Variants in RXFP2 observed in about 807,000 individuals in gnomAD.
The protein encoded by RXFP2 is relaxin receptor 2.
In RXFP2, 68 loss-of-function variants were observed where a neutral mutation model predicts 88.6. The ratio of observed to expected loss-of-function variants is 0.77; its 90% confidence interval spans 0.63 to 0.94. The LOEUF (loss-of-function observed/expected upper bound fraction) is 0.94. Among genes scored for constraint, RXFP2 ranks in the 40% least tolerant of loss-of-function variants. The probability of loss-of-function intolerance (pLI) is 0.00; values close to 1 mark genes in which losing one functional copy is unlikely to be tolerated. For missense variants in RXFP2, 791 were observed against 893.9 expected (o/e 0.88, Z 1.47); for synonymous variants, 329 against 306.8 (o/e 1.07, Z -0.76).
chr13:31,783,634 C>T (rs928099298), intron 11 of RXFP2, among the ~76,000 whole-genome samples: 3 of 152,150 alleles, frequency 2.0e-5, no homozygotes, highest in Admixed American at 2.0e-4. Context: ...CAAGGTACTG[C>T]ATTAGAACTG....
In RXFP2 at chr13:31,791,805, G is replaced by T. The variant is rs1369619246; in HGVS notation, c.1146-1G>T. 6.2e-7 allele frequency: 1 copy of T among 1,611,278 alleles called. No homozygotes were observed. ...GACACTTTTTTTCCCTTTGACTTTA[G>T]TTATTTCAAAAACTTTCGATACTGC... is the stretch of plus-strand genomic sequence containing the variant. On this transcript the variant is annotated splice_acceptor_variant, in intron 14 of 17. Transcript: ENST00000298386. LOFTEE classifies it high-confidence loss of function.
chr13:31,778,453 A>C, intron 8 of RXFP2, 59 bp from the exon 9 acceptor site: 1 of 1,158,420 alleles, frequency 8.6e-7, no homozygotes, highest in South Asian at 1.3e-5. Flanking sequence ...AATAATAAAA[A>C]GACTGTCCTA....
chr13:31,768,890 G>C (rs2138421206), intron 5 of RXFP2, among the ~76,000 whole-genome samples: 1 of 152,102 alleles, frequency 6.6e-6, no homozygotes, highest in East Asian at 1.9e-4. Flanking sequence ...CTCATTCAAT[G>C]ACCCAAATAA....
Position 31,739,657 on chromosome 13 carries a change from G to T in RXFP2, c.45G>T (p.Leu15Phe), listed in dbSNP as rs761422277. The T allele has an allele frequency of 1.9e-6, 3 of 1,610,032 alleles. No individual in the cohort carries two copies. Among genetic ancestry groups the T allele is most frequent in the Admixed American group, 3.3e-5 (2 of 59,984 alleles). The part of the protein sequence containing the change: ...LVFKHLFSLR[L>F]ITMFFLLHFI... Reference sequence around the variant, plus strand: ...TTAAACATCTCTTCAGCCTCAGATTGATTACAATGTTCTTTCTACTTCATT... The same window carrying T: ...TTAAACATCTCTTCAGCCTCAGATTTATTACAATGTTCTTTCTACTTCATT... Residue 15 changes from leucine (L) to phenylalanine (F), a missense_variant, in exon 1 of 18, where the codon TTG (leucine) becomes TTT (phenylalanine). Transcript: ENST00000298386.
At chr13:31,765,678 T>C (rs1274595005) in intron 4 of RXFP2, among the ~76,000 whole-genome samples, 1 of 152,194 alleles carries the variant, frequency 6.6e-6, no homozygotes, top group Admixed American at 6.5e-5. Context: ...TTTGGTTTGT[T>C]AATGCACCCA....
intron 3 of RXFP2, 36 bp downstream of exon 3, chr13:31,761,837 G>A: frequency 7.3e-7 from 1 of 1,376,354 alleles, no homozygotes; most frequent in Non-Finnish European, 1.0e-6. Context: ...TATCAGCTTT[G>A]TGAAAAACAT....
chr13:31,785,211 G>T (rs1243590409), intron 11 of RXFP2, among the ~76,000 whole-genome samples: 2 of 152,024 alleles, frequency 1.3e-5, no homozygotes, highest in African/African-American at 4.8e-5. Context: ...TTGGGGACTT[G>T]GATGCTTGGA....
intron 1 of RXFP2, among the ~76,000 whole-genome samples, chr13:31,747,416 C>A (rs1871473448): frequency 6.6e-6 from 1 of 152,166 alleles, no homozygotes; most frequent in Admixed American, 6.5e-5. Flanking sequence ...AGAAAATGAG[C>A]ATAATGCTTC....
At chr13:31,779,626 C>T (rs899845596) in intron 9 of RXFP2, among the ~76,000 whole-genome samples, 6 of 152,184 alleles carry the variant, frequency 3.9e-5, no homozygotes, top group Admixed American at 3.3e-4. Flanking sequence ...TACACCTTCA[C>T]GGTCTTCTGC....
chr13:31,748,038 T>C (rs576760984), intron 1 of RXFP2, among the ~76,000 whole-genome samples: 1 of 152,356 alleles, frequency 6.6e-6, no homozygotes, highest in South Asian at 2.1e-4. Context: ...CCCTGCTTGA[T>C]CTGAAATCAC....
intron 8 of RXFP2, among the ~76,000 whole-genome samples, chr13:31,777,797 T>C (rs2138434683): frequency 6.6e-6 from 1 of 152,332 alleles, no homozygotes; most frequent in East Asian, 1.9e-4. Flanking sequence ...CAGGAGTTCA[T>C]CTCCAACTCC....
chr13:31,766,101 T>C, intron 5 of RXFP2, 74 bp downstream of exon 5: 5 of 781,304 alleles, frequency 6.4e-6, no homozygotes. Flanking sequence ...GATCTAAAAA[T>C]AAAATATTGT....
At chr13:31,767,011 T>A (rs1031525079) in intron 5 of RXFP2, among the ~76,000 whole-genome samples, 4 of 152,272 alleles carry the variant, frequency 2.6e-5, no homozygotes, top group East Asian at 1.9e-4. Context: ...GGTGGTACCA[T>A]CATCTTATTG....
rs201135985 is a variant in RXFP2, at chr13:31,792,909, G to A, written c.1607G>A (p.Arg536Gln). Residue 536 changes from arginine (R) to glutamine (Q), a missense_variant, in exon 16 of 18, where the codon CGG (arginine) becomes CAG (glutamine). Physicochemically the swap from Arg to Gln is conservative, Grantham distance 43. Coordinates refer to ENST00000298386, the MANE Select transcript of RXFP2 (RefSeq NM_130806.5). The stretch of plus-strand genomic sequence containing the variant: ...TTCAGTAACATTCGACCTGGAAAAC[G>A]GCAGACCTCAGTCATCCTCATTTGC... Reference protein sequence around the residue: ...FPFSNIRPGKRQTSVILICIW... With the variant: ...FPFSNIRPGKQQTSVILICIW... 32 of 1,613,978 alleles carry A rather than the reference G, an allele frequency of 2.0e-5. No homozygotes were observed. In the African/African-American group the frequency reaches 2.7e-4, roughly 13 times the overall value.
intron 10 of RXFP2, 67 bp from the exon 11 acceptor site, chr13:31,782,609 C>T (rs1873336849): frequency 1.4e-5 from 16 of 1,165,848 alleles, no homozygotes; most frequent in East Asian, 4.7e-5. Context: ...TCAGTGGCCT[C>T]TCCCAATGAG....
At chr13:31,789,402 C>T (rs759653167) in intron 14 of RXFP2, among the ~76,000 whole-genome samples, 4 of 152,148 alleles carry the variant, frequency 2.6e-5, no homozygotes, top group South Asian at 2.1e-4. Flanking sequence ...TCTGGAAACA[C>T]GCTGTTTATC....
At chr13:31,777,548 AT>A in intron 8 of RXFP2, 101 bp downstream of exon 8, 1 of 847,928 alleles carries the variant, frequency 1.2e-6, no homozygotes, top group Non-Finnish European at 1.9e-6. Flanking sequence ...GCCCACAAAA[AT>A]TTTTATTAGT....
At chr13:31,743,655 CTTTA>C (rs984136738) in intron 1 of RXFP2, among the ~76,000 whole-genome samples, 1 of 151,916 alleles carries the variant, frequency 6.6e-6, no homozygotes, top group Non-Finnish European at 1.5e-5. Flanking sequence ...TCCTTCCCAT[CTTTA>C]TTTATTCTCC....
intron 9 of RXFP2, 77 bp from the exon 10 acceptor site, chr13:31,781,594 A>T (rs778702038): frequency 1.9e-5 from 20 of 1,032,388 alleles, no homozygotes. Flanking sequence ...TAAACTTGAT[A>T]ACCATTTTAA....
Sources: allele counts gnomAD v4.1 joint callset (sites outside exome capture counted in the v4.1 genomes callset), GRCh38; gene constraint gnomAD v4.1.1; transcripts MANE v1.5; gene names NCBI Gene and HGNC (gene_info 2026-07-23, HGNC 2026-07-21).